MAPKAPK5: variants seen among roughly 807,000 people sequenced by gnomAD.
The protein encoded by MAPKAPK5 is MAP kinase-activated protein kinase 5.
MAPKAPK5 carries 30 observed loss-of-function variants against 65.1 expected under a neutral mutation model. The observed-to-expected ratio is 0.46, with a 90% CI of 0.34 to 0.63. The LOEUF is 0.63. Among genes scored for constraint, MAPKAPK5 ranks in the 20% least tolerant of loss-of-function variants. The pLI is 0.01. For synonymous variants in MAPKAPK5, 179 were observed against 204.6 expected (o/e 0.87, Z 1.07); for missense variants, 433 against 581.4 (o/e 0.74, Z 2.63).
intron 8 of MAPKAPK5, among the ~76,000 whole-genome samples, chr12:111,880,774 A>G (rs1377234951): frequency 6.6e-6 from 1 of 152,246 alleles, no homozygotes; most frequent in Non-Finnish European, 1.5e-5. Flanking sequence ...TGAAATATCA[A>G]ATAAAGTTTG....
chr12:111,862,140 T>C (rs1298446140), intron 1 of MAPKAPK5, among the ~76,000 whole-genome samples: 1 of 150,480 alleles, frequency 6.6e-6, no homozygotes, highest in Non-Finnish European at 1.5e-5. Flanking sequence ...GGCAATCTAG[T>C]TGAAAGGTGT....
At chr12:111,851,850 T>C (rs2069094344) in intron 1 of MAPKAPK5, among the ~76,000 whole-genome samples, 1 of 152,160 alleles carries the variant, frequency 6.6e-6, no homozygotes, top group Non-Finnish European at 1.5e-5. Flanking sequence ...ACAGAGCTGG[T>C]TAAGGAAATC....
At chr12:111,866,075 A>G (rs1395348073) in intron 2 of MAPKAPK5, 81 bp from the exon 3 acceptor site, 1 of 1,156,616 alleles carries the variant, frequency 8.6e-7, no homozygotes, top group East Asian at 2.6e-5. Flanking sequence ...GAGAAGTACA[A>G]ATCTCAAAGA....
chr12:111,894,786 G>GTGTGTGTGTA lies in MAPKAPK5; in HGVS notation c.*1731_*1732insTGTATGTGTG, dbSNP rs1436633246. On this transcript the variant is annotated 3_prime_UTR_variant, in exon 14 of 14. Coordinates refer to ENST00000550735, the MANE Select transcript of MAPKAPK5 (RefSeq NM_003668.4). ...TGTATATGTGTGTGTGTGTGTGTGT[G>GTGTGTGTGTA]TGTGTGAAGCAGTTTTTGGTGGGTA... is the stretch of plus-strand genomic sequence containing the variant. 3.3e-5 allele frequency: 5 copies of GTGTGTGTGTA among 151,640 alleles called. No individual in the cohort carries two copies. The highest frequency in any genetic ancestry group is 2.6e-4 in the Admixed American group (4 of 15,268). 9.4% of individuals were successfully genotyped at this position (151,640 alleles called of 1,614,324 possible).
At chr12:111,882,528 C>T (rs962589020) in intron 8 of MAPKAPK5, among the ~76,000 whole-genome samples, 4 of 152,150 alleles carry the variant, frequency 2.6e-5, no homozygotes, top group African/African-American at 9.7e-5. Context: ...TCTTTTATCT[C>T]GCTGTTCAAG....
intron 8 of MAPKAPK5, chr12:111,882,896 G>T: frequency 1.1e-6 from 1 of 951,292 alleles, no homozygotes; most frequent in Non-Finnish European, 1.3e-6. Flanking sequence ...CTACATAGAG[G>T]TTTCACAACC....
At chr12:111,889,757 T>A in intron 12 of MAPKAPK5, 1 of 286,776 alleles carries the variant, frequency 3.5e-6, no homozygotes, top group African/African-American at 2.1e-5. Flanking sequence ...CAGGTGTCTT[T>A]TGTTCAGCAA....
At chr12:111,866,328 A>G (rs2069610394) in intron 3 of MAPKAPK5, 97 bp downstream of exon 3, 2 of 1,084,544 alleles carry the variant, frequency 1.8e-6, no homozygotes, top group Non-Finnish European at 1.3e-6. Flanking sequence ...ACAGTGATGC[A>G]TAAAAAGTTT....
chr12:111,889,068 G>A (rs1242667873), intron 12 of MAPKAPK5, 68 bp downstream of exon 12: 3 of 1,500,974 alleles, frequency 2.0e-6, no homozygotes, highest in African/African-American at 2.8e-5. Context: ...GTGGGTGGGT[G>A]TATGCATGCA....
Position 111,868,762 on chromosome 12 carries a change from C to G in MAPKAPK5, c.294C>G (p.Leu98=). Residue 98 remains leucine (L), a synonymous_variant, in exon 5 of 14, where the codon CTC becomes CTG. Transcript: ENST00000550735. Reference sequence around the variant, plus strand: ...AAATGCTTTCAAACAGGGCCCGACTCTTAATTGTAATGGAGATGATGGAAG... The same window carrying G: ...AAATGCTTTCAAACAGGGCCCGACTGTTAATTGTAATGGAGATGATGGAAG... The part of the protein sequence containing the change: ...FPHESSPRAR[L]LIVMEMMEGG... 5.8e-6 allele frequency: 9 copies of G among 1,550,584 alleles called. No homozygotes were observed. Among genetic ancestry groups the G allele is most frequent in the Non-Finnish European group, 7.8e-6 (9 of 1,147,222 alleles).
At position 111,893,034 on chromosome 12, in the gene MAPKAPK5, G is replaced by A. The variant is rs762747923; in HGVS notation, c.1389G>A (p.Glu463=). The change falls in exon 14 of 14, where the codon GAG becomes GAA. Residue 463 remains glutamate, a synonymous_variant. Transcript: ENST00000550735. ...AAATTGTGAAGCAGGTGATAGAAGA[G>A]CAAACCACGTCCCACGAATCCCAAT... ...LAEIVKQVIE[E]QTTSHESQ is the part of the protein sequence containing the mutation. The A allele has an allele frequency of 1.3e-6, 2 of 1,581,734 alleles. No individual in the cohort carries two copies. Among genetic ancestry groups the A allele is most frequent in the Non-Finnish European group, 1.7e-6 (2 of 1,163,204 alleles).
Position 111,899,814 on chromosome 12 carries a change from T to C in MAPKAPK5, c.*6753T>C, listed in dbSNP as rs1566295836. On this transcript the variant is annotated 3_prime_UTR_variant, in exon 14 of 14. Transcript: ENST00000550735. ...GAAAAATCTTACAGCATTGAGCCCA[T>C]GGACTCTTCAAGACGGTTTGAACAT... The C allele has an allele frequency of 2.4e-6, 1 of 423,614 alleles. No individual in the cohort carries two copies. 26.2% of individuals were successfully genotyped at this position (423,614 alleles called of 1,614,324 possible). A position where few individuals can be genotyped will look rare whatever the true frequency, so the allele number is the denominator to read the frequency against.
At chr12:111,884,912 C>T (rs920275534) in intron 9 of MAPKAPK5, among the ~76,000 whole-genome samples, 1 of 152,158 alleles carries the variant, frequency 6.6e-6, no homozygotes, top group Non-Finnish European at 1.5e-5. Context: ...GTTCTGTGTG[C>T]TATAAAGAGG....
chr12:111,871,216 C>A (rs754762913), intron 7 of MAPKAPK5, 36 bp downstream of exon 7: 1 of 1,541,852 alleles, frequency 6.5e-7, no homozygotes, highest in Admixed American at 1.7e-5. Flanking sequence ...AGATCTGTCA[C>A]CAAGCTGCCC....
intron 10 of MAPKAPK5, 118 bp downstream of exon 10, chr12:111,886,154 A>T (rs1426623559): frequency 4.2e-6 from 6 of 1,417,884 alleles, no homozygotes; most frequent in Middle Eastern, 1.8e-4. Context: ...CTTCCCAGAG[A>T]AACATCTCTG....
rs1391286605 is a variant in MAPKAPK5 at position 111,899,805 on chromosome 12, T to C, written c.*6744T>C. ...ATTAAGGAGGAAAAATCTTACAGCATTGAGCCCATGGACTCTTCAAGACGG... is the reference window on the plus strand; with the variant it reads ...ATTAAGGAGGAAAAATCTTACAGCACTGAGCCCATGGACTCTTCAAGACGG... On this transcript the variant is annotated 3_prime_UTR_variant, in exon 14 of 14. Coordinates refer to ENST00000550735, the MANE Select transcript of MAPKAPK5 (RefSeq NM_003668.4). 1.2e-5 allele frequency: 5 copies of C among 408,470 alleles called. No individual in the cohort carries two copies. The highest frequency in any genetic ancestry group is 2.0e-5 in the African/African-American group (1 of 49,072). 25.3% of individuals were successfully genotyped at this position (408,470 alleles called of 1,614,324 possible). A position where few individuals can be genotyped will look rare whatever the true frequency, so the allele number is the denominator to read the frequency against.
At chr12:111,849,258 T>TC (rs1362059138) in intron 1 of MAPKAPK5, among the ~76,000 whole-genome samples, 1 of 151,226 alleles carries the variant, frequency 6.6e-6, no homozygotes, top group African/African-American at 2.4e-5. Flanking sequence ...TTTCTTTCTT[T>TC]TTTTTTTTTC....
chr12:111,843,022 C>T (rs2068775168), intron 1 of MAPKAPK5: 2 of 399,726 alleles, frequency 5.0e-6, no homozygotes, highest in Non-Finnish European at 8.8e-6. Flanking sequence ...AGGTGAGTGG[C>T]CTGGAGACAC....
chr12:111,846,375 T>C (rs2068906061), intron 1 of MAPKAPK5, among the ~76,000 whole-genome samples: 2 of 152,248 alleles, frequency 1.3e-5, no homozygotes, highest in African/African-American at 4.8e-5. Context: ...TTGATTGGAC[T>C]TTAAGATCTC....
Sources: gnomAD v4.1 joint callset for allele counts (sites outside exome capture counted in the v4.1 genomes callset) on GRCh38, gnomAD v4.1.1 for gene constraint, MANE v1.5 for transcripts, NCBI Gene and HGNC (gene_info 2026-07-23, HGNC 2026-07-21) for gene names.